Variants in SLC14A2 observed in about 807,000 individuals in gnomAD.
The protein encoded by SLC14A2 is solute carrier family 14 member 2, also known as urea transporter 2.
A neutral mutation model predicts 104.6 loss-of-function variants in SLC14A2; 91 were observed. The ratio of observed to expected loss-of-function variants is 0.87; its 90% CI spans 0.73 to 1.04. The LOEUF (loss-of-function observed/expected upper bound fraction) is 1.04, where lower values mean the gene tolerates loss of function less well. Ranked by LOEUF, SLC14A2 falls within the 50% of genes least tolerant of loss-of-function variation. SLC14A2 has a pLI of 0.00. For synonymous variants in SLC14A2, 476 were observed against 466.4 expected (o/e 1.02, Z -0.27); for missense variants, 1,189 against 1,156.0 (o/e 1.03, Z -0.41).
chr18:45,197,966 C>T, the SLC14A2 span, among the ~76,000 whole-genome samples: 1 of 151,982 alleles, frequency 6.6e-6, no homozygotes, highest in Non-Finnish European at 1.5e-5. Context: ...TTTCTAAAGG[C>T]CCCTAGGGAG....
At chr18:45,328,839 CCAAA>C (rs1232021936) in intron 1 of SLC14A2, among the ~76,000 whole-genome samples, 1 of 152,112 alleles carries the variant, frequency 6.6e-6, no homozygotes, top group African/African-American at 2.4e-5. Flanking sequence ...CGTTCCAAAC[CCAAA>C]CAAACTCAAA....
intron 1 of SLC14A2, among the ~76,000 whole-genome samples, chr18:45,338,013 T>C (rs1428917463): frequency 6.6e-6 from 1 of 152,104 alleles, no homozygotes; most frequent in Non-Finnish European, 1.5e-5. Flanking sequence ...ATCTACATAA[T>C]AAGAACCCTG....
At chr18:45,329,956 G>A (rs2085272793) in intron 1 of SLC14A2, among the ~76,000 whole-genome samples, 1 of 152,098 alleles carries the variant, frequency 6.6e-6, no homozygotes. Context: ...ACCATTTATT[G>A]AGGTTATGTT....
At chr18:45,526,582 G>A (rs1367544893) in intron 2 of SLC14A2, among the ~76,000 whole-genome samples, 1 of 152,036 alleles carries the variant, frequency 6.6e-6, no homozygotes, top group Non-Finnish European at 1.5e-5. Context: ...CCAAGCTATT[G>A]CTTCTGATAA....
intron 2 of SLC14A2, among the ~76,000 whole-genome samples, chr18:45,539,759 C>A (rs201096145): frequency 6.6e-6 from 1 of 152,078 alleles, no homozygotes; most frequent in African/African-American, 2.4e-5. Flanking sequence ...TGGAATTAGA[C>A]GGCCTGTGTT....
At chr18:45,327,341 C>T (rs2085245716) in intron 1 of SLC14A2, among the ~76,000 whole-genome samples, 1 of 152,022 alleles carries the variant, frequency 6.6e-6, no homozygotes, top group South Asian at 2.1e-4. Context: ...GTAAAATTTA[C>T]ATATAAATTT....
intron 2 of SLC14A2, among the ~76,000 whole-genome samples, chr18:45,532,094 G>A (rs1222404466): frequency 6.6e-6 from 1 of 152,140 alleles, no homozygotes; most frequent in Non-Finnish European, 1.5e-5. Flanking sequence ...TGCTGTTTTT[G>A]TTACTGTAGC....
chr18:45,248,384 C>A (rs916302176), intron 1 of SLC14A2, among the ~76,000 whole-genome samples: 9 of 152,090 alleles, frequency 5.9e-5, no homozygotes, highest in African/African-American at 4.8e-5. Context: ...GGCACTAGTG[C>A]ATGCAGACAG....
At chr18:45,443,776 T>C (rs887464444) in intron 1 of SLC14A2, among the ~76,000 whole-genome samples, 2 of 152,270 alleles carry the variant, frequency 1.3e-5, no homozygotes, top group Admixed American at 1.3e-4. Flanking sequence ...GGGTATGTTT[T>C]TCTGAGACCC....
chr18:45,330,926 C>T (rs2085283697), intron 1 of SLC14A2, among the ~76,000 whole-genome samples: 1 of 152,296 alleles, frequency 6.6e-6, no homozygotes, highest in Non-Finnish European at 1.5e-5. Context: ...TAAATTGACA[C>T]ATACCACACA....
At chr18:45,625,290 G>A (rs894631649) in intron 2 of SLC14A2, among the ~76,000 whole-genome samples, 2 of 152,092 alleles carry the variant, frequency 1.3e-5, no homozygotes, top group African/African-American at 4.8e-5. Flanking sequence ...AATTACAGAA[G>A]GTATTGGATC....
intron 1 of SLC14A2, among the ~76,000 whole-genome samples, chr18:45,364,108 C>T (rs1340982591): frequency 6.6e-6 from 1 of 152,214 alleles, no homozygotes; most frequent in Non-Finnish European, 1.5e-5. Context: ...CAACTCTTCC[C>T]TGTGCTCTGT....
At chr18:45,556,403 C>G (rs1460377570) in intron 2 of SLC14A2, among the ~76,000 whole-genome samples, 1 of 152,170 alleles carries the variant, frequency 6.6e-6, no homozygotes, top group African/African-American at 2.4e-5. Flanking sequence ...TTATCAAACC[C>G]TACCCATAAG....
chr18:45,676,524 C>G (rs2046231986), intron 18 of SLC14A2, among the ~76,000 whole-genome samples: 1 of 151,792 alleles, frequency 6.6e-6, no homozygotes, highest in African/African-American at 2.4e-5. Flanking sequence ...GGTTTTCAAC[C>G]AGGGGTAATT....
chr18:45,426,698 TACACACACACACAC>T (rs34456057), intron 1 of SLC14A2, among the ~76,000 whole-genome samples: 2 of 140,960 alleles, frequency 1.4e-5, no homozygotes, highest in African/African-American at 2.7e-5. Flanking sequence ...TATACATACA[TACACACACACACAC>T]ACACACACAC....
At chr18:45,651,947 ACTCTC>A (rs1364252878) in intron 10 of SLC14A2, among the ~76,000 whole-genome samples, 1 of 151,700 alleles carries the variant, frequency 6.6e-6, no homozygotes, top group Non-Finnish European at 1.5e-5. Context: ...CCTTCCCATC[ACTCTC>A]CTCTCTGAAG....
chr18:45,319,705 C>T (rs187942050), intron 1 of SLC14A2, among the ~76,000 whole-genome samples: 189 of 152,338 alleles, frequency 1.2e-3, no homozygotes, highest in Admixed American at 2.0e-3. Flanking sequence ...TATTCTCAAT[C>T]CAGGCCCCCT....
rs547889702 is a variant in SLC14A2, at chr18:45,582,452, T to C, written c.-34-42179T>C. Among the ~76,000 whole-genome samples the C allele has an allele frequency of 7.9e-5, 12 of 152,320 alleles. No individual in the cohort carries two copies. The East Asian group carries it at 2.1e-3, about 27-fold the overall frequency. ...AAAGGATTTTTTCTATTATGTGCTC[T>C]TGACCATTTGTGATACTGACAAAAG... On this transcript the variant is annotated intron_variant, in intron 2 of 20. Coordinates refer to the SLC14A2 transcript ENST00000586448.
At chr18:45,223,070 T>C (rs1280951585) in intron 1 of SLC14A2, among the ~76,000 whole-genome samples, 2 of 152,210 alleles carry the variant, frequency 1.3e-5, no homozygotes, top group African/African-American at 4.8e-5. Context: ...TGCCACGTAC[T>C]CTATGCTAAG....
Sources: allele counts gnomAD v4.1 joint callset (sites outside exome capture counted in the v4.1 genomes callset), GRCh38; gene constraint gnomAD v4.1.1; transcripts MANE v1.5; gene names NCBI Gene and HGNC (gene_info 2026-07-23, HGNC 2026-07-21).